The following NCOA1 variants were observed in gnomAD, a reference collection of about 807,000 sequenced individuals.
The protein encoded by NCOA1 is Hin-2 protein.
A neutral mutation model predicts 150.9 loss-of-function variants in NCOA1; 35 were observed. The observed-to-expected ratio is 0.23, with a 90% CI of 0.18 to 0.31. The LOEUF is 0.31. Among genes scored for constraint, NCOA1 ranks in the 10% least tolerant of loss-of-function variants. The probability of loss-of-function intolerance (pLI) is 1.00; values close to 1 mark genes in which losing one functional copy is unlikely to be tolerated. For missense variants in NCOA1, 1,491 were observed against 1,749.3 expected (o/e 0.85, Z 2.63); for synonymous variants, 590 against 630.0 (o/e 0.94, Z 0.95).
chr2:24,526,893 A>T (rs1045729693), intron 1 of NCOA1, among the ~76,000 whole-genome samples: 2 of 152,164 alleles, frequency 1.3e-5, no homozygotes, highest in Non-Finnish European at 2.9e-5. Context: ...AATACAGATT[A>T]AAAAAATACA....
At chr2:24,587,444 G>A (rs1388894781) in intron 3 of NCOA1, among the ~76,000 whole-genome samples, 1 of 152,178 alleles carries the variant, frequency 6.6e-6, no homozygotes, top group East Asian at 1.9e-4. Context: ...GAGATAGGCT[G>A]TAAAGGGCTT....
Position 24,729,777 on chromosome 2 carries a change from C to T in NCOA1, c.3163C>T (p.Arg1055Ter). 6.2e-7 allele frequency: 1 copy of T among 1,614,016 alleles called. No individual in the cohort carries two copies. The highest frequency in any genetic ancestry group is 8.5e-7 in the Non-Finnish European group (1 of 1,179,934). Residue 1055 changes from arginine (R) to a stop codon, truncating the protein, a stop_gained, in exon 17 of 23, where the codon CGA becomes TGA. Coordinates refer to ENST00000348332, the MANE Select transcript of NCOA1 (RefSeq NM_003743.5). LOFTEE classifies it high-confidence loss of function. The stretch of plus-strand genomic sequence containing the variant: ...ACCTCCGGCTGCACCTAACCAGCTT[C>T]GACTTCAACTACAGCAGCGATTACA... The part of the protein sequence containing the change: ...NRPPAAPNQL[R>*]LQLQQRLQGQ...
chr2:24,510,980 G>T (rs943395982), intron 1 of NCOA1, among the ~76,000 whole-genome samples: 1 of 152,098 alleles, frequency 6.6e-6, no homozygotes, highest in Non-Finnish European at 1.5e-5. Context: ...AAGAAATTCC[G>T]TGCCTGTTAG....
intron 1 of NCOA1, among the ~76,000 whole-genome samples, chr2:24,517,223 T>C (rs548706197): frequency 6.6e-6 from 1 of 151,970 alleles, no homozygotes; most frequent in Middle Eastern, 3.2e-3. Flanking sequence ...TGAGTTTGTA[T>C]TTTTTATACT....
chr2:24,502,785 A>T (rs1018565402), intron 1 of NCOA1, among the ~76,000 whole-genome samples: 5 of 152,136 alleles, frequency 3.3e-5, no homozygotes, highest in Admixed American at 3.3e-4. Flanking sequence ...TGCTTTTTGA[A>T]ATTCTACCTA....
intron 3 of NCOA1, among the ~76,000 whole-genome samples, chr2:24,620,378 C>T (rs968202090): frequency 1.1e-4 from 17 of 152,060 alleles, no homozygotes; most frequent in African/African-American, 3.9e-4. Flanking sequence ...CCGAGGTGGA[C>T]GGATCACCTG....
intron 1 of NCOA1, among the ~76,000 whole-genome samples, chr2:24,529,508 G>A (rs556646925): frequency 3.3e-5 from 5 of 152,136 alleles, no homozygotes; most frequent in South Asian, 2.1e-4. Flanking sequence ...TTTATTGATC[G>A]ATTGATTTTG....
At chr2:24,569,088 C>G (rs1050069082) in intron 2 of NCOA1, among the ~76,000 whole-genome samples, 12 of 152,046 alleles carry the variant, frequency 7.9e-5, no homozygotes, top group Admixed American at 2.0e-4. Context: ...TCATATCCCA[C>G]TTTTTTCAGA....
intron 2 of NCOA1, among the ~76,000 whole-genome samples, chr2:24,574,569 A>G (rs1472344576): frequency 6.6e-6 from 1 of 152,098 alleles, no homozygotes; most frequent in African/African-American, 2.4e-5. Context: ...AAACTTAAAG[A>G]TATTGTTTAT....
intron 1 of NCOA1, among the ~76,000 whole-genome samples, chr2:24,546,823 A>G (rs1216906849): frequency 6.6e-6 from 1 of 152,216 alleles, no homozygotes; most frequent in Non-Finnish European, 1.5e-5. Flanking sequence ...CATGTCTGAC[A>G]CTTTTGTATG....
intron 6 of NCOA1, among the ~76,000 whole-genome samples, chr2:24,670,029 T>C (rs2148513771): frequency 6.6e-6 from 1 of 152,252 alleles, no homozygotes; most frequent in Non-Finnish European, 1.5e-5. Context: ...TCCCAACTAT[T>C]CGGGAGACCA....
At chr2:24,626,539 A>G (rs55753826) in intron 3 of NCOA1, among the ~76,000 whole-genome samples, 2,228 of 152,312 alleles carry the variant, frequency 0.015, 50 homozygotes, top group African/African-American at 0.051. Flanking sequence ...GAGAGCTGGG[A>G]AAGTGGTAGT....
intron 1 of NCOA1, among the ~76,000 whole-genome samples, chr2:24,526,376 C>T (rs1664651523): frequency 6.6e-6 from 1 of 151,794 alleles, no homozygotes; most frequent in African/African-American, 2.4e-5. Flanking sequence ...CTCTCTACCA[C>T]TTTTTTTCAT....
intron 5 of NCOA1, among the ~76,000 whole-genome samples, chr2:24,660,285 A>G (rs1009881806): frequency 6.6e-6 from 1 of 152,140 alleles, no homozygotes; most frequent in African/African-American, 2.4e-5. Flanking sequence ...TTAAATATAT[A>G]AAAGAATATA....
Position 24,693,730 on chromosome 2 carries a change from ATT to A in NCOA1, c.808+393_808+394del, listed in dbSNP as rs5829929. Among the ~76,000 whole-genome samples the A allele has an allele frequency of 6.1e-3, 907 of 149,902 alleles. 3 individuals are homozygous for A. The highest frequency in any genetic ancestry group is 0.016 in the African/African-American group (656 of 40,670). ...CTATTATGCTTAAACGTATCTGGCT[ATT>A]TTTTTTTTTAATTCTTTTTCTTTAA... On this transcript the variant is annotated intron_variant, in intron 10 of 22. Transcript: ENST00000348332.
At chr2:24,592,127 G>A (rs1287173676) in intron 3 of NCOA1, among the ~76,000 whole-genome samples, 1 of 152,116 alleles carries the variant, frequency 6.6e-6, no homozygotes, top group Admixed American at 6.6e-5. Flanking sequence ...TGAAAACGTC[G>A]CTAAGGGGTT....
intron 1 of NCOA1, among the ~76,000 whole-genome samples, chr2:24,500,557 ACT>A (rs1663418880): frequency 6.6e-6 from 1 of 152,144 alleles, no homozygotes; most frequent in Non-Finnish European, 1.5e-5. Context: ...TAAATAGTAG[ACT>A]CAACACTATT....
chr2:24,683,244 ATG>A, intron 8 of NCOA1, 116 bp downstream of exon 8: 2 of 603,830 alleles, frequency 3.3e-6, no homozygotes, highest in Non-Finnish European at 4.7e-6. Context: ...ATGTTATAAT[ATG>A]TGTTTAAAAT....
At chr2:24,503,774 C>T (rs1476649181) in intron 1 of NCOA1, among the ~76,000 whole-genome samples, 2 of 142,754 alleles carry the variant, frequency 1.4e-5, no homozygotes, top group South Asian at 2.2e-4. Context: ...CTTGCTCTGT[C>T]GTCCAGGCTG....
Sources: gnomAD v4.1 joint callset for allele counts (sites outside exome capture counted in the v4.1 genomes callset) on GRCh38, gnomAD v4.1.1 for gene constraint, MANE v1.5 for transcripts, NCBI Gene and HGNC (gene_info 2026-07-23, HGNC 2026-07-21) for gene names.